The following COPE variants were observed in gnomAD, a reference collection of about 807,000 sequenced individuals.
The protein encoded by COPE is coatomer subunit epsilon.
In COPE, 19 loss-of-function variants were observed where a neutral mutation model predicts 42.1. The ratio of observed to expected loss-of-function variants is 0.45; its 90% CI spans 0.31 to 0.66. COPE has a LOEUF of 0.66. Ranked by LOEUF, COPE falls within the 30% of genes least tolerant of loss-of-function variation. The pLI is 0.05. For missense variants in COPE, 402 were observed against 416.1 expected (o/e 0.97, Z 0.30); for synonymous variants, 195 against 181.3 (o/e 1.08, Z -0.60).
At chr19:18,915,215 T>G (rs1440587471) in intron 1 of COPE, among the ~76,000 whole-genome samples, 2 of 151,822 alleles carry the variant, frequency 1.3e-5, no homozygotes, top group African/African-American at 4.8e-5. Flanking sequence ...CCTGTCTATC[T>G]TTAGGGAAAA....
Position 18,919,205 on chromosome 19 carries a change from GCCCCTGCGCGGCCGCACCTTCAC to G in COPE, c.121_126+17del. On this transcript the variant is annotated splice_donor_variant and splice_donor_5th_base_variant and coding_sequence_variant and intron_variant, in exon 1 of 10. Coordinates refer to ENST00000262812, the MANE Select transcript of COPE (RefSeq NM_007263.4). LOFTEE classifies it high-confidence loss of function. ...CCGCCTCCGCCCCCAGCGTCCCCGC[GCCCCTGCGCGGCCGCACCTTCAC>G]CCGCTGCGCCTCGTTTATGCACTGC... 1 of 1,599,210 alleles carries G rather than the reference GCCCCTGCGCGGCCGCACCTTCAC, an allele frequency of 6.3e-7. No individual in the cohort carries two copies. Among genetic ancestry groups the G allele is most frequent in the Non-Finnish European group, 8.5e-7 (1 of 1,171,498 alleles).
chr19:18,903,876 T>C (rs901763451), intron 6 of COPE, among the ~76,000 whole-genome samples: 5 of 152,172 alleles, frequency 3.3e-5, no homozygotes, highest in African/African-American at 9.7e-5. Flanking sequence ...AACTACCCGA[T>C]AGGTCTGCCG....
intron 1 of COPE, among the ~76,000 whole-genome samples, chr19:18,915,020 C>A (rs1011274532): frequency 5.3e-5 from 8 of 151,974 alleles, no homozygotes; most frequent in Non-Finnish European, 1.0e-4. Flanking sequence ...GCCACCGTGC[C>A]CGGTCTGAGA....
chr19:18,905,677 T>C (rs1370313904), intron 4 of COPE, 48 bp from the exon 5 acceptor site: 5 of 1,556,624 alleles, frequency 3.2e-6, no homozygotes, highest in Non-Finnish European at 4.3e-6. Flanking sequence ...ACAGACACAT[T>C]GCATGGCCGC....
chr19:18,903,844 G>A (rs2056732369), intron 6 of COPE, among the ~76,000 whole-genome samples: 1 of 152,240 alleles, frequency 6.6e-6, no homozygotes, highest in African/African-American at 2.4e-5. Flanking sequence ...CTGAGGCCAA[G>A]GCAGGCAGTG....
chr19:18,911,320 T>C (rs2056808485), intron 2 of COPE: 2 of 519,760 alleles, frequency 3.8e-6, no homozygotes, highest in Admixed American at 3.1e-5. Flanking sequence ...GGTAGGTTAC[T>C]GTCTATCCCC....
chr19:18,901,953 G>A (rs945901330), intron 7 of COPE, among the ~76,000 whole-genome samples: 8 of 152,100 alleles, frequency 5.3e-5, no homozygotes, highest in African/African-American at 1.7e-4. Context: ...TCCAAGGTGG[G>A]CAGCATCATG....
chr19:18,912,542 A>T (rs992232392), intron 2 of COPE, among the ~76,000 whole-genome samples: 3 of 151,878 alleles, frequency 2.0e-5, no homozygotes, highest in African/African-American at 7.2e-5. Context: ...GTGGATCATG[A>T]AGTCAGGAGT....
At chr19:18,919,106 G>C (rs2056886940) in intron 1 of COPE, 117 bp downstream of exon 1, 8 of 1,058,136 alleles carry the variant, frequency 7.6e-6, no homozygotes, top group Non-Finnish European at 8.4e-6. Flanking sequence ...GGAAGAGGTG[G>C]CCCAAAAAAC....
chr19:18,905,456 A>G, intron 5 of COPE, 120 bp downstream of exon 5: 1 of 1,043,442 alleles, frequency 9.6e-7, no homozygotes, highest in South Asian at 1.7e-5. Context: ...AGCCACCCCC[A>G]TGGAAAGGAA....
chr19:18,911,435 GC>G, intron 2 of COPE: 1 of 244,546 alleles, frequency 4.1e-6, no homozygotes. Flanking sequence ...AGCAGGACAT[GC>G]CCCCAGCCAG....
At chr19:18,903,503 G>A (rs2056729310) in intron 6 of COPE, 80 bp from the exon 7 acceptor site, 1 of 1,484,474 alleles carries the variant, frequency 6.7e-7, no homozygotes, top group East Asian at 2.5e-5. Flanking sequence ...CTAGCGGGGG[G>A]GACTCCAGCA....
chr19:18,900,045 C>T (rs999543781), intron 8 of COPE, 98 bp from the exon 9 acceptor site: 1 of 1,015,316 alleles, frequency 9.8e-7, no homozygotes, highest in Non-Finnish European at 1.4e-6. Flanking sequence ...AGCCACAGTA[C>T]CCCAGGGGGC....
chr19:18,917,302 C>T (rs2056863358), intron 1 of COPE, among the ~76,000 whole-genome samples: 1 of 139,672 alleles, frequency 7.2e-6, no homozygotes, highest in Non-Finnish European at 1.5e-5. Flanking sequence ...GCACCAACAT[C>T]TCAGACAAAC....
At chr19:18,904,010 G>A (rs1258627002) in intron 6 of COPE, among the ~76,000 whole-genome samples, 2 of 152,254 alleles carry the variant, frequency 1.3e-5, no homozygotes, top group Non-Finnish European at 2.9e-5. Flanking sequence ...TTGTTGCTCA[G>A]GCAGGAGTGC....
chr19:18,919,149 A>C, intron 1 of COPE, 74 bp downstream of exon 1: 1 of 1,518,878 alleles, frequency 6.6e-7, no homozygotes. Flanking sequence ...TTAGACGCAG[A>C]ACGCGGCTCG....
chr19:18,900,327 G>A (rs1021341585), intron 8 of COPE, 54 bp downstream of exon 8: 2 of 1,425,780 alleles, frequency 1.4e-6, no homozygotes, highest in African/African-American at 1.4e-5. Context: ...ACCCCAGGCT[G>A]GGGTCCCAGG....
chr19:18,906,876 G>A (rs2056764465), intron 4 of COPE, 84 bp downstream of exon 4: 3 of 1,423,256 alleles, frequency 2.1e-6, no homozygotes, highest in African/African-American at 1.4e-5. Flanking sequence ...CATGACGACA[G>A]CCAGCGAGGC....
chr19:18,909,647 T>C (rs62138067), intron 3 of COPE, among the ~76,000 whole-genome samples: 46,140 of 151,658 alleles, frequency 0.3, 8,844 homozygotes, highest in Admixed American at 0.47. Flanking sequence ...GCCTCCCAAG[T>C]AGCTGGAATC....
Sources: gnomAD v4.1 joint callset for allele counts (sites outside exome capture counted in the v4.1 genomes callset) on GRCh38, gnomAD v4.1.1 for gene constraint, MANE v1.5 for transcripts, NCBI Gene and HGNC (gene_info 2026-07-23, HGNC 2026-07-21) for gene names.